Variants in GALK2 observed in about 807,000 individuals in gnomAD.
GALK2 encodes the protein N-acetylgalactosamine kinase.
A neutral mutation model predicts 52.4 loss-of-function variants in GALK2; 36 were observed. The observed-to-expected ratio is 0.69, with a 90% CI of 0.53 to 0.91. The LOEUF is 0.91. Ranked by LOEUF, GALK2 falls within the 40% of genes least tolerant of loss-of-function variation. The probability of loss-of-function intolerance (pLI) is 0.00; values close to 1 mark genes in which losing one functional copy is unlikely to be tolerated. For synonymous variants in GALK2, 176 were observed against 199.1 expected (o/e 0.88, Z 0.98); for missense variants, 579 against 559.1 (o/e 1.04, Z -0.36).
At chr15:49,228,680 TA>T (rs2090295594) in intron 3 of GALK2, among the ~76,000 whole-genome samples, 1 of 20,760 alleles carries the variant, frequency 4.8e-5, no homozygotes, top group African/African-American at 1.8e-4. Context: ...TATATATATA[TA>T]TATATATTTT....
intron 8 of GALK2, among the ~76,000 whole-genome samples, chr15:49,304,825 A>C (rs2141883007): frequency 6.6e-6 from 1 of 152,346 alleles, no homozygotes. Flanking sequence ...TCAAATTTCA[A>C]GTTATTTTCA....
At chr15:49,224,572 A>T (rs1007626845) in intron 3 of GALK2, among the ~76,000 whole-genome samples, 2 of 152,148 alleles carry the variant, frequency 1.3e-5, no homozygotes, top group Non-Finnish European at 2.9e-5. Context: ...AGCACCATTT[A>T]TTGAATAGGG....
intron 3 of GALK2, among the ~76,000 whole-genome samples, chr15:49,218,049 T>C (rs1006722737): frequency 2.4e-4 from 37 of 152,226 alleles, no homozygotes; most frequent in African/African-American, 8.7e-4. Flanking sequence ...TTATAATGGA[T>C]TTGACTTGAT....
intron 3 of GALK2, among the ~76,000 whole-genome samples, chr15:49,358,376 A>G (rs2043557579): frequency 8.4e-6 from 1 of 118,646 alleles, no homozygotes; most frequent in Non-Finnish European, 1.8e-5. Flanking sequence ...GCTGATAAGC[A>G]ACTTCAGCAA....
chr15:49,225,263 C>T (rs567501021), intron 3 of GALK2: 4 of 455,940 alleles, frequency 8.8e-6, no homozygotes, highest in South Asian at 1.5e-5. Flanking sequence ...TAGGCCACAC[C>T]ATTCTTGGAC....
chr15:49,212,112 A>G (rs1396674934), intron 2 of GALK2, among the ~76,000 whole-genome samples: 1 of 151,954 alleles, frequency 6.6e-6, no homozygotes, highest in Non-Finnish European at 1.5e-5. Context: ...TTTTTGTTTG[A>G]AATGGAGTCT....
intron 2 of GALK2, among the ~76,000 whole-genome samples, chr15:49,207,920 C>CTAATTA (rs2141338444): frequency 6.6e-6 from 1 of 152,106 alleles, no homozygotes; most frequent in East Asian, 1.9e-4. Context: ...TTACAGGCAC[C>CTAATTA]CACCACCATG....
At chr15:49,237,818 G>A (rs2090906034) in intron 4 of GALK2, among the ~76,000 whole-genome samples, 1 of 151,968 alleles carries the variant, frequency 6.6e-6, no homozygotes, top group Non-Finnish European at 1.5e-5. Context: ...ACCTGTGTTT[G>A]ATCAGTTTAT....
At chr15:49,332,631 C>T (rs954474035), downstream of GALK2, among the ~76,000 whole-genome samples, 14 of 151,978 alleles carry the variant, frequency 9.2e-5, no homozygotes, top group African/African-American at 1.7e-4. Flanking sequence ...GGAAGAGAAA[C>T]GGAATAAAGG....
intron 5 of GALK2, 125 bp from the exon 6 acceptor site, chr15:49,281,862 C>CAAT: frequency 1.6e-6 from 1 of 619,232 alleles, no homozygotes; most frequent in Non-Finnish European, 2.9e-6. Context: ...GTGCTCCAGG[C>CAAT]AGGCTACTAT....
At chr15:49,236,909 GT>G (rs935058273) in intron 4 of GALK2, among the ~76,000 whole-genome samples, 1 of 152,144 alleles carries the variant, frequency 6.6e-6, no homozygotes, top group Non-Finnish European at 1.5e-5. Context: ...AACAGTGGTG[GT>G]TTTTGTTCTT....
intron 7 of GALK2, among the ~76,000 whole-genome samples, chr15:49,291,050 G>A (rs1444546800): frequency 6.6e-6 from 1 of 152,106 alleles, no homozygotes; most frequent in African/African-American, 2.4e-5. Flanking sequence ...CTGCCTCCTG[G>A]GTTCAAGCAA....
intron 2 of GALK2, among the ~76,000 whole-genome samples, chr15:49,211,911 G>T (rs2088931109): frequency 6.6e-6 from 1 of 151,988 alleles, no homozygotes; most frequent in Non-Finnish European, 1.5e-5. Flanking sequence ...TTTGGGTGGG[G>T]ACACAGATCC....
intron 3 of GALK2, among the ~76,000 whole-genome samples, chr15:49,340,317 G>A (rs1371491304): frequency 6.6e-6 from 1 of 152,054 alleles, no homozygotes; most frequent in Non-Finnish European, 1.5e-5. Flanking sequence ...CTGGGCTGGA[G>A]TACACGGTAC....
chr15:49,338,069 G>C (rs186306586), intron 3 of GALK2, among the ~76,000 whole-genome samples: 1 of 152,170 alleles, frequency 6.6e-6, no homozygotes, highest in Non-Finnish European at 1.5e-5. Flanking sequence ...AGAGCCTTGA[G>C]GAATTGCCAC....
At chr15:49,349,932 A>G (rs2042013699) in intron 3 of GALK2, among the ~76,000 whole-genome samples, 1 of 152,174 alleles carries the variant, frequency 6.6e-6, no homozygotes. Context: ...AAACAAAATG[A>G]GAGGGAGAAT....
intron 5 of GALK2, among the ~76,000 whole-genome samples, chr15:49,272,824 A>C (rs1307272377): frequency 6.6e-6 from 1 of 152,148 alleles, no homozygotes; most frequent in Non-Finnish European, 1.5e-5. Flanking sequence ...TGTTTGAATA[A>C]AATACTTTGC....
At chr15:49,169,858 G>A (rs911396153), upstream of GALK2, among the ~76,000 whole-genome samples, 5 of 152,172 alleles carry the variant, frequency 3.3e-5, no homozygotes, top group Admixed American at 1.3e-4. Context: ...GTTGTTTGGG[G>A]AGTAGCTGCT....
At chr15:49,367,638 C>T (rs779900462) in exon 4 of GALK2, 17 of 1,523,226 alleles carry the variant, frequency 1.1e-5, no homozygotes, top group South Asian at 1.3e-5. Flanking sequence ...ATCAAGACAA[C>T]GATTACTTTT....
Sources: gnomAD v4.1 joint callset for allele counts (sites outside exome capture counted in the v4.1 genomes callset) on GRCh38, gnomAD v4.1.1 for gene constraint, MANE v1.5 for transcripts, NCBI Gene and HGNC (gene_info 2026-07-23, HGNC 2026-07-21) for gene names.